Variants in SPINK5 observed in about 807,000 individuals in gnomAD.
The protein encoded by SPINK5 is serine peptidase inhibitor Kazal type 5, also known as serine protease inhibitor Kazal-type 5.
Under a neutral mutation model 151.8 loss-of-function variants are expected in SPINK5, and 125 were observed. The observed-to-expected ratio is 0.82, with a 90% CI of 0.71 to 0.96. The LOEUF is 0.96. Ranked by LOEUF, SPINK5 falls within the 40% of genes least tolerant of loss-of-function variation. The pLI, the probability that SPINK5 is intolerant of heterozygous loss-of-function variation, is 0.00. For synonymous variants in SPINK5, 374 were observed against 395.3 expected (o/e 0.95, Z 0.64); for missense variants, 1,194 against 1,291.9 (o/e 0.92, Z 1.16).
At chr5:148,097,354 C>T (rs1182585639) in intron 10 of SPINK5, among the ~76,000 whole-genome samples, 1 of 151,974 alleles carries the variant, frequency 6.6e-6, no homozygotes, top group Non-Finnish European at 1.5e-5. Context: ...TTCTCTTTAT[C>T]CAACTAATTA....
chr5:148,137,105 A>C lies in SPINK5; in HGVS notation c.*114A>C. 1.4e-6 allele frequency: 2 copies of C among 1,394,618 alleles called. No homozygotes were observed. Among genetic ancestry groups the C allele is most frequent in the Admixed American group, 3.4e-5 (2 of 59,300 alleles). 86.4% of individuals were successfully genotyped at this position (1,394,618 alleles called of 1,614,324 possible). ...CGGAGCTTGTCTTATTTGCTATAGA[A>C]AACAATACAGAGCTTTTGGGAATGG... On this transcript the variant is annotated 3_prime_UTR_variant, in exon 33 of 33. Transcript: ENST00000256084.
chr5:148,135,887 TA>T (rs1205207911), intron 32 of SPINK5, among the ~76,000 whole-genome samples: 1 of 152,224 alleles, frequency 6.6e-6, no homozygotes, highest in African/African-American at 2.4e-5. Flanking sequence ...TAATACTTTC[TA>T]TTATGCAATA....
At chr5:148,078,486 G>A (rs908434079) in intron 4 of SPINK5, among the ~76,000 whole-genome samples, 2 of 150,952 alleles carry the variant, frequency 1.3e-5, no homozygotes, top group African/African-American at 4.8e-5. Flanking sequence ...TGTAGAATAT[G>A]TATTATTTTA....
chr5:148,104,699 G>C (rs1050703502), intron 15 of SPINK5, among the ~76,000 whole-genome samples: 1 of 152,110 alleles, frequency 6.6e-6, no homozygotes, highest in African/African-American at 2.4e-5. Flanking sequence ...TTCGAGACCA[G>C]CCTGGCCAGC....
At chr5:148,068,140 G>A (rs1165246615) in intron 2 of SPINK5, among the ~76,000 whole-genome samples, 1 of 152,132 alleles carries the variant, frequency 6.6e-6, no homozygotes, top group East Asian at 1.9e-4. Context: ...TAGAATCAGA[G>A]ATCAGACAGG....
intron 4 of SPINK5, among the ~76,000 whole-genome samples, chr5:148,074,405 C>G (rs1007536019): frequency 3.3e-5 from 5 of 151,720 alleles, no homozygotes; most frequent in Non-Finnish European, 7.4e-5. Context: ...TGTTTTGGTA[C>G]ATGTAAAGAC....
At chr5:148,075,327 AT>A (rs1752850023) in intron 4 of SPINK5, among the ~76,000 whole-genome samples, 1 of 151,392 alleles carries the variant, frequency 6.6e-6, no homozygotes, top group African/African-American at 2.4e-5. Context: ...TATTAAAATA[AT>A]TTGATTTTTT....
At chr5:148,076,279 G>A (rs1339544047) in intron 4 of SPINK5, among the ~76,000 whole-genome samples, 2 of 151,638 alleles carry the variant, frequency 1.3e-5, no homozygotes, top group Non-Finnish European at 2.9e-5. Flanking sequence ...AACATAGGAA[G>A]CCAGGCTTAA....
Position 148,094,368 on chromosome 5 carries a change from A to T in SPINK5, c.681A>T (p.Glu227Asp). Residue 227 changes from glutamate to aspartate, a missense_variant, in exon 9 of 33, where the codon GAA becomes GAT. Physicochemically the swap from Glu to Asp is conservative, Grantham distance 45. Coordinates refer to ENST00000256084, the MANE Select transcript of SPINK5 (RefSeq NM_006846.4). ...TCTTTTCAAAGGATTTTTGCAAGGA[A>T]TATGAAAAACAAGTGAGAAATGGAA... The part of the protein sequence containing the change: ...RRNAEKDFCK[E>D]YEKQVRNGRL... The T allele has an allele frequency of 6.2e-7, 1 of 1,612,454 alleles. No homozygotes were observed. The highest frequency in any genetic ancestry group is 8.5e-7 in the Non-Finnish European group (1 of 1,178,878).
At chr5:148,067,096 G>A (rs1052373244) in intron 2 of SPINK5, among the ~76,000 whole-genome samples, 9 of 152,198 alleles carry the variant, frequency 5.9e-5, no homozygotes, top group African/African-American at 1.7e-4. Context: ...GAAAAGCACT[G>A]CAGCAATCTG....
rs190657753 is a variant in SPINK5 at position 148,104,972 on chromosome 5, G to A, written c.1451G>A (p.Arg484Lys). Residue 484 changes from arginine to lysine, a missense_variant, in exon 16 of 33, where the codon AGA (arginine) becomes AAA (lysine). Physicochemically the swap from Arg to Lys is conservative, Grantham distance 26. Transcript: ENST00000256084. ...TAAAGTCAACAAGAAGAAAGAGCAA[G>A]AGCAAAGGCTAAAAGAGAAGCTGCA... Reference protein sequence around the residue: ...EAFFQQEERARAKAKREAAKE... With the variant: ...EAFFQQEERAKAKAKREAAKE... 2.1e-3 allele frequency: 3,428 copies of A among 1,613,808 alleles called. 9 individuals are homozygous for A. The highest frequency in any genetic ancestry group is 2.6e-3 in the Non-Finnish European group (3,118 of 1,179,834).
At chr5:148,099,406 TC>T in intron 12 of SPINK5, 91 bp downstream of exon 12, 1 of 1,059,938 alleles carries the variant, frequency 9.4e-7, no homozygotes, top group Non-Finnish European at 1.4e-6. Flanking sequence ...CCTGCAGAAA[TC>T]CCCAGAATAT....
chr5:148,100,073 CCAGT>C (rs1753596133), intron 12 of SPINK5, among the ~76,000 whole-genome samples: 1 of 151,746 alleles, frequency 6.6e-6, no homozygotes, highest in Non-Finnish European at 1.5e-5. Flanking sequence ...TTTTTTTTGC[CCAGT>C]CAAATCCTAT....
At chr5:148,077,423 G>T (rs1561676251) in intron 4 of SPINK5, among the ~76,000 whole-genome samples, 1 of 150,904 alleles carries the variant, frequency 6.6e-6, no homozygotes, top group Non-Finnish European at 1.5e-5. Context: ...CTGTACTAAA[G>T]AAATCTGAGA....
At chr5:148,083,030 A>G (rs943381318) in intron 4 of SPINK5, among the ~76,000 whole-genome samples, 2 of 151,108 alleles carry the variant, frequency 1.3e-5, no homozygotes, top group Non-Finnish European at 3.0e-5. Flanking sequence ...GTTTGCTTAA[A>G]TCTCTAACTC....
Position 148,119,935 on chromosome 5 carries a change from ATCCTCTGATTC to A in SPINK5, c.2314-71_2314-61del, listed in dbSNP as rs112818383. 5,930 of 1,562,318 alleles carry A rather than the reference ATCCTCTGATTC, an allele frequency of 3.8e-3. 194 individuals carry two copies. In the African/African-American group the frequency reaches 0.068, roughly 18 times the overall value. The stretch of plus-strand genomic sequence containing the variant: ...ATGGCTGCCTGACTCTTGGAAAGAA[ATCCTCTGATTC>A]TCAAATCCAATCAAATATTATGTAA... On this transcript the variant is annotated intron_variant, in intron 24 of 32. Transcript: ENST00000256084.
intron 4 of SPINK5, among the ~76,000 whole-genome samples, chr5:148,083,555 A>G (rs1753077620): frequency 6.6e-6 from 1 of 151,510 alleles, no homozygotes; most frequent in African/African-American, 2.4e-5. Context: ...ACAAATAGCC[A>G]TACTTTTGAT....
chr5:148,117,941 C>T (rs891399266), intron 22 of SPINK5, among the ~76,000 whole-genome samples: 3 of 151,854 alleles, frequency 2.0e-5, no homozygotes, highest in Non-Finnish European at 2.9e-5. Context: ...CATGACAACT[C>T]ATCTCTTATA....
At chr5:148,103,796 T>C (rs1468980490) in intron 15 of SPINK5, among the ~76,000 whole-genome samples, 1 of 152,206 alleles carries the variant, frequency 6.6e-6, no homozygotes, top group Non-Finnish European at 1.5e-5. Context: ...AAACAGTCTT[T>C]TCAATTTTTA....
Sources: allele counts gnomAD v4.1 joint callset (sites outside exome capture counted in the v4.1 genomes callset), GRCh38; gene constraint gnomAD v4.1.1; transcripts MANE v1.5; gene names NCBI Gene and HGNC (gene_info 2026-07-23, HGNC 2026-07-21).